The following ST3GAL3 variants were observed in gnomAD, a reference collection of about 807,000 sequenced individuals.
ST3GAL3 encodes CMP-N-acetylneuraminate-beta-1,4-galactoside alpha-2,3-sialyltransferase.
In ST3GAL3, 21 loss-of-function variants were observed where a neutral mutation model predicts 50.1. The ratio of observed to expected loss-of-function variants is 0.42; its 90% CI spans 0.30 to 0.60. The LOEUF is 0.60. Among genes scored for constraint, ST3GAL3 ranks in the 20% least tolerant of loss-of-function variants. The probability of loss-of-function intolerance (pLI) is 0.19; values close to 1 mark genes in which losing one functional copy is unlikely to be tolerated. For missense variants in ST3GAL3, 353 were observed against 489.4 expected, an observed-to-expected ratio of 0.72 and a Z score of 2.63; for synonymous variants, 183 against 190.0, an observed-to-expected ratio of 0.96 and a Z score of 0.30.
chr1:43,743,500 G>A, intron 2 of ST3GAL3: 1 of 424,618 alleles, frequency 2.4e-6, no homozygotes, highest in East Asian at 7.6e-5. Context: ...GAAGGTGGTG[G>A]GGCAGATTGG....
intron 2 of ST3GAL3, among the ~76,000 whole-genome samples, chr1:43,753,561 G>T (rs1490881724): frequency 2.6e-5 from 4 of 152,222 alleles, no homozygotes; most frequent in Non-Finnish European, 5.9e-5. Context: ...GTGATGGTGG[G>T]AGGAATGCAG....
chr1:43,894,188 A>C, intron 5 of ST3GAL3, 195 bp from the exon 6 acceptor site: 1 of 644,146 alleles, frequency 1.6e-6, no homozygotes, highest in Non-Finnish European at 2.8e-6. Context: ...CTACTCCCTC[A>C]GACTCAGGCT....
chr1:43,835,845 C>A (rs1214555883), intron 4 of ST3GAL3, among the ~76,000 whole-genome samples: 1 of 152,186 alleles, frequency 6.6e-6, no homozygotes, highest in African/African-American at 2.4e-5. Context: ...GGGGACAGGA[C>A]ATGAAGAGAC....
intron 5 of ST3GAL3, among the ~76,000 whole-genome samples, chr1:43,853,296 T>C (rs2067692976): frequency 6.6e-6 from 1 of 152,252 alleles, no homozygotes; most frequent in Non-Finnish European, 1.5e-5. Flanking sequence ...GTGACAGTGA[T>C]AGCTCACACC....
intron 2 of ST3GAL3, among the ~76,000 whole-genome samples, chr1:43,765,485 G>A (rs977468356): frequency 6.6e-6 from 1 of 152,114 alleles, no homozygotes; most frequent in Non-Finnish European, 1.5e-5. Context: ...CTGTGTGGTG[G>A]CTCCATTTCA....
At chr1:43,881,066 A>C (rs1036749219) in intron 5 of ST3GAL3, among the ~76,000 whole-genome samples, 3 of 151,574 alleles carry the variant, frequency 2.0e-5, no homozygotes, top group Non-Finnish European at 4.4e-5. Context: ...ACTGGAGTGC[A>C]ATGGCGCGAT....
intron 1 of ST3GAL3, among the ~76,000 whole-genome samples, chr1:43,719,804 A>G (rs1306279822): frequency 2.6e-5 from 4 of 151,386 alleles, no homozygotes; most frequent in Non-Finnish European, 5.9e-5. Context: ...ATGGTGGCAT[A>G]TGCCTGTAAT....
intron 6 of ST3GAL3, among the ~76,000 whole-genome samples, chr1:43,894,873 G>C (rs1432256009): frequency 6.6e-6 from 1 of 152,002 alleles, no homozygotes; most frequent in Non-Finnish European, 1.5e-5. Context: ...GGACTCAAGT[G>C]ATCTGCCTAA....
chr1:43,871,463 ATGGGGTGTGAGGGAGAGGC>A (rs1287196615), intron 5 of ST3GAL3, among the ~76,000 whole-genome samples: 3,919 of 138,144 alleles, frequency 0.028, 106 homozygotes, highest in East Asian at 0.087. Context: ...GAAGAAGAGG[ATGGGGTGTGAGGGAGAGGC>A]TGGGGTGTGA....
intron 9 of ST3GAL3, among the ~76,000 whole-genome samples, chr1:43,917,522 ATT>A (rs1557535764): frequency 5.5e-5 from 4 of 72,080 alleles, no homozygotes; most frequent in South Asian, 4.2e-4. Context: ...TATAATATAT[ATT>A]ATATTATATA....
At chr1:43,860,872 G>C (rs979665863) in intron 5 of ST3GAL3, among the ~76,000 whole-genome samples, 1 of 152,210 alleles carries the variant, frequency 6.6e-6, no homozygotes, top group Non-Finnish European at 1.5e-5. Flanking sequence ...CTGAGGGTAG[G>C]TTCAGGAAGT....
At position 43,786,235 on chromosome 1, in the gene ST3GAL3, C is replaced by A. The variant is rs538373081; in HGVS notation, c.119-5867C>A. 1.6e-4 allele frequency among the ~76,000 whole-genome samples: 24 copies of A among 152,272 alleles called. No homozygotes were observed. In the East Asian group the frequency reaches 3.3e-3, roughly 21 times the overall value. On this transcript the variant is annotated intron_variant, in intron 2 of 11. Coordinates refer to ENST00000347631, the MANE Select transcript of ST3GAL3 (RefSeq NM_006279.5). ...TTTATATTTAAAAATATAAATCCGA[C>A]TCTGTTACTCCCGGGGTTTTAAGCA...
intron 1 of ST3GAL3, among the ~76,000 whole-genome samples, chr1:43,711,344 T>C (rs1247733827): frequency 1.3e-5 from 2 of 152,264 alleles, no homozygotes; most frequent in Admixed American, 1.3e-4. Flanking sequence ...GACACTGGCT[T>C]TTCAAGTTTC....
intron 5 of ST3GAL3, among the ~76,000 whole-genome samples, chr1:43,865,402 A>G (rs1187397598): frequency 6.6e-6 from 1 of 152,158 alleles, no homozygotes; most frequent in Non-Finnish European, 1.5e-5. Flanking sequence ...CATCACATGA[A>G]TTTGTAGTAT....
At position 43,746,048 on chromosome 1, in the gene ST3GAL3, A is replaced by G. The variant is rs80343591; in HGVS notation, c.118+9668A>G. 3.3e-3 allele frequency among the ~76,000 whole-genome samples: 501 copies of G among 152,372 alleles called. 12 individuals are homozygous for G. In the East Asian group the frequency reaches 0.056, roughly 17 times the overall value. On this transcript the variant is annotated intron_variant, in intron 2 of 11. Coordinates refer to ENST00000347631, the MANE Select transcript of ST3GAL3 (RefSeq NM_006279.5). ...CAATGACGAAATTGCCTAACAGCGC[A>G]GTTCTTAGAATATATCCCTGTCGTT...
Position 43,748,789 on chromosome 1 carries a change from G to A in ST3GAL3, c.118+12409G>A, listed in dbSNP as rs139434083. 1.2e-3 allele frequency among the ~76,000 whole-genome samples: 175 copies of A among 152,090 alleles called. 1 individual carries two copies. The highest frequency in any genetic ancestry group is 3.9e-3 in the African/African-American group (163 of 41,480). On this transcript the variant is annotated intron_variant, in intron 2 of 11. Transcript: ENST00000347631. ...TTGAGTTGTTGCCCAGGTTGGTCTT[G>A]AACTCCTGGCCTTAAGTGAAGATCC...
At chr1:43,778,740 G>A (rs1300983831) in intron 2 of ST3GAL3, among the ~76,000 whole-genome samples, 3 of 148,446 alleles carry the variant, frequency 2.0e-5, no homozygotes, top group African/African-American at 7.5e-5. Context: ...CCGCCTCCCG[G>A]GTTCACGCCA....
At chr1:43,735,898 A>G (rs1678187262) in intron 1 of ST3GAL3, among the ~76,000 whole-genome samples, 1 of 152,228 alleles carries the variant, frequency 6.6e-6, no homozygotes, top group Non-Finnish European at 1.5e-5. Flanking sequence ...GTTTGTGGGA[A>G]TGCTGTGATA....
chr1:43,728,414 CA>C (rs1268638936), intron 1 of ST3GAL3, among the ~76,000 whole-genome samples: 4 of 152,046 alleles, frequency 2.6e-5, no homozygotes, highest in Non-Finnish European at 4.4e-5. Context: ...GAGATATGAC[CA>C]CTGCCAGGGT....
Sources: allele counts gnomAD v4.1 joint callset (sites outside exome capture counted in the v4.1 genomes callset), GRCh38; gene constraint gnomAD v4.1.1; transcripts MANE v1.5; gene names NCBI Gene and HGNC (gene_info 2026-07-23, HGNC 2026-07-21).